Variants in ARHGAP35 observed in about 807,000 individuals in gnomAD.
The protein encoded by ARHGAP35 is Rho GTPase activating protein 35.
A neutral mutation model predicts 111.1 loss-of-function variants in ARHGAP35; 15 were observed. The observed-to-expected ratio is 0.13, with a 90% CI of 0.09 to 0.21. The LOEUF (loss-of-function observed/expected upper bound fraction) is 0.21, where lower values mean the gene tolerates loss of function less well. Ranked by LOEUF, ARHGAP35 falls within the 10% of genes least tolerant of loss-of-function variation. The pLI is 1.00. For missense variants in ARHGAP35, 1,262 were observed against 1,873.0 expected (o/e 0.67, Z 6.02); for synonymous variants, 643 against 710.3 (o/e 0.91, Z 1.51).
chr19:46,978,473 G>GT (rs1435287788), intron 3 of ARHGAP35, among the ~76,000 whole-genome samples: 4 of 151,780 alleles, frequency 2.6e-5, no homozygotes, highest in Non-Finnish European at 4.4e-5. Flanking sequence ...GGGTCTGTGT[G>GT]TGGGGGGTAG....
In ARHGAP35 at chr19:46,905,390, T is replaced by A. The variant is rs1280604360; in HGVS notation, c.-188-13098T>A. On this transcript the variant is annotated intron_variant, in intron 1 of 6. Coordinates refer to ENST00000672722, the MANE Select transcript of ARHGAP35 (RefSeq NM_004491.5). ...ACTTAAACTTTTTTTTTTTTTTTTT[T>A]TAATAGATGGAGTCTCATTCTGTCA... 7.0e-5 allele frequency among the ~76,000 whole-genome samples: 10 copies of A among 142,126 alleles called. No homozygotes were observed. The South Asian group carries it at 1.6e-3, about 23-fold the overall frequency. The allele number at this position is 142,126 out of a possible 152,430, so 93.2% of individuals were successfully genotyped here. A position where few individuals can be genotyped will look rare whatever the true frequency, so the allele number is the denominator to read the frequency against.
At chr19:46,956,956 CTT>C (rs11449203) in intron 3 of ARHGAP35, among the ~76,000 whole-genome samples, 2 of 107,614 alleles carry the variant, frequency 1.9e-5, no homozygotes, top group African/African-American at 3.7e-5. Flanking sequence ...TTAAAGCAGA[CTT>C]TTTTTTTTTT....
intron 1 of ARHGAP35, among the ~76,000 whole-genome samples, chr19:46,903,219 C>G (rs1302121429): frequency 1.3e-5 from 2 of 152,214 alleles, no homozygotes; most frequent in Non-Finnish European, 2.9e-5. Context: ...TCCCCAAACC[C>G]TCTCTTCATT....
At chr19:46,970,788 T>A (rs2056542599) in intron 3 of ARHGAP35, among the ~76,000 whole-genome samples, 1 of 152,148 alleles carries the variant, frequency 6.6e-6, no homozygotes, top group Non-Finnish European at 1.5e-5. Context: ...CAGGGAGGGC[T>A]GGGAGGTAGA....
chr19:46,967,953 G>A lies in ARHGAP35; in HGVS notation c.3827-20036G>A, dbSNP rs76838386. Among the ~76,000 whole-genome samples, 189 of 152,242 alleles carry A rather than the reference G, an allele frequency of 1.2e-3. 2 individuals carry two copies. The East Asian group carries it at 0.035, about 28-fold the overall frequency. ...CAGGGCTCCCTGCCATGTCTGTCAC[G>A]CCCTGTGCTTTCCCAGTGAACACGT... is the stretch of plus-strand genomic sequence containing the variant. On this transcript the variant is annotated intron_variant, in intron 3 of 6. Coordinates refer to ENST00000672722, the MANE Select transcript of ARHGAP35 (RefSeq NM_004491.5).
intron 1 of ARHGAP35, among the ~76,000 whole-genome samples, chr19:46,874,158 A>G (rs753479190): frequency 6.6e-6 from 1 of 152,194 alleles, no homozygotes; most frequent in Non-Finnish European, 1.5e-5. Context: ...GGAACAAACT[A>G]GTTCTTTGTA....
chr19:46,990,205 C>T (rs1055261052), intron 5 of ARHGAP35, among the ~76,000 whole-genome samples: 1 of 152,184 alleles, frequency 6.6e-6, no homozygotes, highest in African/African-American at 2.4e-5. Context: ...GAGATGACTC[C>T]AGTGGCCCTG....
At chr19:46,958,261 G>A (rs1234339954) in intron 3 of ARHGAP35, among the ~76,000 whole-genome samples, 1 of 151,354 alleles carries the variant, frequency 6.6e-6, no homozygotes, top group Non-Finnish European at 1.5e-5. Context: ...GCGGGCGCCT[G>A]TAGTCCCAGC....
chr19:46,959,132 G>T, intron 3 of ARHGAP35, among the ~76,000 whole-genome samples: 1 of 152,156 alleles, frequency 6.6e-6, no homozygotes, highest in Non-Finnish European at 1.5e-5. Context: ...AGACTAGAGT[G>T]CAGTGGCACA....
At chr19:46,862,593 C>G (rs2055834745) in intron 1 of ARHGAP35, among the ~76,000 whole-genome samples, 1 of 152,066 alleles carries the variant, frequency 6.6e-6, no homozygotes, top group African/African-American at 2.4e-5. Flanking sequence ...TCGTTTTTTT[C>G]AATTCTGCTC....
chr19:46,898,881 C>A (rs1486794949), intron 1 of ARHGAP35, among the ~76,000 whole-genome samples: 1 of 152,058 alleles, frequency 6.6e-6, no homozygotes, highest in Admixed American at 6.6e-5. Context: ...CTGGAACCTG[C>A]GGTGTGTGTA....
intron 2 of ARHGAP35, among the ~76,000 whole-genome samples, chr19:46,934,385 G>A (rs897735376): frequency 6.6e-6 from 1 of 151,966 alleles, no homozygotes; most frequent in African/African-American, 2.4e-5. Context: ...CCCTCCTCCC[G>A]GAGACACAGT....
intron 3 of ARHGAP35, among the ~76,000 whole-genome samples, chr19:46,979,054 ATG>A (rs1431553323): frequency 1.2e-3 from 32 of 27,396 alleles, no homozygotes; most frequent in African/African-American, 4.0e-3. Flanking sequence ...GTGTGGTGGG[ATG>A]TGTGTGTGTG....
chr19:46,915,925 A>C (rs2056159678), intron 1 of ARHGAP35, among the ~76,000 whole-genome samples: 1 of 149,732 alleles, frequency 6.7e-6, no homozygotes, highest in African/African-American at 2.5e-5. Flanking sequence ...AAGGAATCCA[A>C]ACTCTTTTTT....
chr19:46,918,592 A>G lies in ARHGAP35; in HGVS notation c.-84A>G, dbSNP rs2056177146. The stretch of plus-strand genomic sequence containing the variant: ...TTTGCTGCATGTCCAGCCCACCCCC[A>G]CTAATAATGTAGGAAGCTGTCTGGT... On this transcript the variant is annotated 5_prime_UTR_variant, in exon 2 of 7. Coordinates refer to ENST00000672722, the MANE Select transcript of ARHGAP35 (RefSeq NM_004491.5). This position sits in a 1 kb window ranked among gnomAD's most constrained non-coding sequence, Gnocchi z 5.4. 7.2e-6 allele frequency: 10 copies of G among 1,390,306 alleles called. No homozygotes were observed. The highest frequency in any genetic ancestry group is 8.9e-6 in the Non-Finnish European group (9 of 1,006,138). 86.1% of individuals were successfully genotyped at this position (1,390,306 alleles called of 1,614,324 possible).
chr19:46,920,812 ACT>A lies in ARHGAP35; in HGVS notation c.2140_2141del (p.Leu714AlafsTer2), dbSNP rs757320618. The A allele has an allele frequency of 6.2e-7, 1 of 1,611,752 alleles. No individual in the cohort carries two copies. The highest frequency in any genetic ancestry group is 8.5e-7 in the Non-Finnish European group (1 of 1,178,816). ...VNKRGDTSGE[T>X]LHSLIQQGQQ... is the part of the protein sequence containing the mutation. ...CAAGAGAGGAGACACCAGTGGAGAGACTCTGCATAGCTTAATACAGCAAGGTC... is the reference window on the plus strand; with the variant it reads ...CAAGAGAGGAGACACCAGTGGAGAGACTGCATAGCTTAATACAGCAAGGTC... On this transcript the variant is annotated frameshift_variant, in exon 2 of 7. Coordinates refer to ENST00000672722, the MANE Select transcript of ARHGAP35 (RefSeq NM_004491.5). LOFTEE classifies it high-confidence loss of function. This position sits in a 1 kb window ranked among gnomAD's most constrained non-coding sequence, Gnocchi z 7.0.
intron 2 of ARHGAP35, among the ~76,000 whole-genome samples, chr19:46,929,914 CAA>C (rs550047007): frequency 7.7e-5 from 9 of 117,398 alleles, no homozygotes. Context: ...AACTCCATCT[CAA>C]AAAAAAAAAA....
chr19:46,892,123 T>TAAAA (rs1178888092), intron 1 of ARHGAP35, among the ~76,000 whole-genome samples: 1 of 53,898 alleles, frequency 1.9e-5, no homozygotes, highest in East Asian at 5.2e-4. Flanking sequence ...CTGTCTCTAC[T>TAAAA]AAAAAAAAAA....
chr19:46,999,171 G>A lies in ARHGAP35; in HGVS notation c.4037-133G>A, dbSNP rs1333142323. 1.3e-5 allele frequency: 8 copies of A among 639,384 alleles called. No individual in the cohort carries two copies. Among genetic ancestry groups the A allele is most frequent in the Non-Finnish European group, 2.2e-5 (8 of 362,824 alleles). The allele number at this position is 639,384 out of a possible 1,614,324, so 39.6% of individuals were successfully genotyped here. On this transcript the variant is annotated intron_variant, in intron 5 of 6. Coordinates refer to ENST00000672722, the MANE Select transcript of ARHGAP35 (RefSeq NM_004491.5). The surrounding 1 kb of genome is among the most constrained non-coding windows in gnomAD (Gnocchi z 5.4). ...TGTGCCAGCCTTGGGCACAGGCTTT[G>A]GGGGAAAGAGTGGGGTTAGTGTCAT...
Sources: allele counts gnomAD v4.1 joint callset (sites outside exome capture counted in the v4.1 genomes callset), GRCh38; gene constraint gnomAD v4.1.1; non-coding constraint Gnocchi (gnomAD v3.1); transcripts MANE v1.5; gene names NCBI Gene and HGNC (gene_info 2026-07-23, HGNC 2026-07-21).